ULK4: variants seen among roughly 807,000 people sequenced by gnomAD.
ULK4 encodes inactive serine/threonine-protein kinase ULK4.
A neutral mutation model predicts 160.6 loss-of-function variants in ULK4; 133 were observed. The observed-to-expected ratio is 0.83, with a 90% CI of 0.72 to 0.96. The LOEUF (loss-of-function observed/expected upper bound fraction) is 0.96, where lower values mean the gene tolerates loss of function less well. ULK4 is among the 40% of genes least tolerant of loss of function. The probability of loss-of-function intolerance (pLI) is 0.00; values close to 1 mark genes in which losing one functional copy is unlikely to be tolerated. For missense variants in ULK4, 1,580 were observed against 1,499.5 expected, an observed-to-expected ratio of 1.05 and a Z score of -0.89; for synonymous variants, 534 against 539.8, an observed-to-expected ratio of 0.99 and a Z score of 0.15.
chr3:41,851,057 A>G (rs2042201280), intron 17 of ULK4, among the ~76,000 whole-genome samples: 1 of 152,200 alleles, frequency 6.6e-6, no homozygotes, highest in African/African-American at 2.4e-5. Context: ...TCCTAATTGA[A>G]TACCCTTTAT....
In ULK4 at chr3:41,827,243, A is replaced by T. The variant is rs552017440; in HGVS notation, c.1765-7737T>A. On this transcript the variant is annotated intron_variant, in intron 18 of 36. Coordinates refer to ENST00000301831, the MANE Select transcript of ULK4 (RefSeq NM_017886.4). ...AAATTGACACCTTAACATCACAATT[A>T]AAAGAACTAGAGAAGCAAGAGCAAA... 8.7e-5 allele frequency among the ~76,000 whole-genome samples: 13 copies of T among 149,898 alleles called. No individual in the cohort carries two copies. The East Asian group carries it at 2.0e-3, about 23-fold the overall frequency.
intron 4 of ULK4, 123 bp from the exon 5 acceptor site, chr3:41,932,129 A>G (rs2148822879): frequency 2.6e-6 from 2 of 781,616 alleles, no homozygotes; most frequent in South Asian, 3.2e-5. Context: ...AACTCAGAAA[A>G]ATAAATGCTT....
At chr3:41,746,996 T>C (rs2038443041) in intron 22 of ULK4, among the ~76,000 whole-genome samples, 2 of 151,998 alleles carry the variant, frequency 1.3e-5, no homozygotes, top group South Asian at 2.1e-4. Flanking sequence ...TTATACTTTA[T>C]GCGTAAAATT....
chr3:41,852,001 G>A (rs1007513760), intron 17 of ULK4, among the ~76,000 whole-genome samples: 1 of 151,966 alleles, frequency 6.6e-6, no homozygotes, highest in Non-Finnish European at 1.5e-5. Flanking sequence ...TAGACCGCTA[G>A]CAAGACTAAT....
At chr3:41,422,816 A>C (rs1233592101) in intron 34 of ULK4, among the ~76,000 whole-genome samples, 9 of 152,202 alleles carry the variant, frequency 5.9e-5, no homozygotes, top group Non-Finnish European at 5.9e-5. Context: ...GTTTATATCT[A>C]ACCATCTCAC....
chr3:41,373,766 A>G (rs2081421706), intron 35 of ULK4, among the ~76,000 whole-genome samples: 3 of 152,242 alleles, frequency 2.0e-5, no homozygotes, highest in African/African-American at 7.2e-5. Context: ...AGCTAGCAGA[A>G]GGCAAGAAAT....
intron 34 of ULK4, among the ~76,000 whole-genome samples, chr3:41,424,831 C>CAAAAAAAAAAAA (rs36097613): frequency 1.6e-5 from 1 of 62,402 alleles, no homozygotes; most frequent in Non-Finnish European, 2.9e-5. Flanking sequence ...AAGAAATCAT[C>CAAAAAAAAAAAA]AAAAAAAAAA....
At chr3:41,425,468 C>G (rs571121407) in intron 34 of ULK4, among the ~76,000 whole-genome samples, 1 of 152,058 alleles carries the variant, frequency 6.6e-6, no homozygotes, top group Non-Finnish European at 1.5e-5. Context: ...GATATTCCAC[C>G]ATTTCAACCC....
intron 35 of ULK4, among the ~76,000 whole-genome samples, chr3:41,355,958 AT>A (rs2081021567): frequency 6.6e-6 from 1 of 152,210 alleles, no homozygotes; most frequent in Non-Finnish European, 1.5e-5. Context: ...CAAATACTCT[AT>A]GCAAACCATT....
Position 41,865,271 on chromosome 3 carries a change from TAAAAAAA to T in ULK4, c.1656+18596_1656+18602del, listed in dbSNP as rs55741060. ...GGGCAACAGAGCAAGACTCTGTCTT[TAAAAAAA>T]AAAAAAAAAAAAAAAAAAAAAAAAA... On this transcript the variant is annotated intron_variant, in intron 17 of 36. Coordinates refer to ENST00000301831, the MANE Select transcript of ULK4 (RefSeq NM_017886.4). Among the ~76,000 whole-genome samples the T allele has an allele frequency of 9.4e-4, 28 of 29,894 alleles. No individual in the cohort carries two copies. In the South Asian group the frequency reaches 0.038, roughly 41 times the overall value. The allele number at this position is 29,894 out of a possible 152,430, so 19.6% of individuals were successfully genotyped here. A position where few individuals can be genotyped will look rare whatever the true frequency, so the allele number is the denominator to read the frequency against.
intron 33 of ULK4, among the ~76,000 whole-genome samples, chr3:41,462,271 AAC>A (rs1444038264): frequency 6.6e-6 from 1 of 152,206 alleles, no homozygotes; most frequent in Non-Finnish European, 1.5e-5. Context: ...AAGGTATCAA[AAC>A]AGTTTGGTTT....
intron 35 of ULK4, among the ~76,000 whole-genome samples, chr3:41,367,508 C>T (rs1056902125): frequency 6.6e-6 from 1 of 152,124 alleles, no homozygotes; most frequent in Non-Finnish European, 1.5e-5. Context: ...CTGTGGTGAG[C>T]AGCTCCATGG....
At chr3:41,822,815 A>G (rs142638294) in intron 18 of ULK4, among the ~76,000 whole-genome samples, 36,678 of 144,508 alleles carry the variant, frequency 0.25, 5,545 homozygotes, top group African/African-American at 0.45. Flanking sequence ...TCCGCCTCCC[A>G]GGTTCACGCC....
At chr3:41,714,611 A>G (rs1001166705) in intron 25 of ULK4, among the ~76,000 whole-genome samples, 5 of 152,202 alleles carry the variant, frequency 3.3e-5, no homozygotes, top group Non-Finnish European at 5.9e-5. Flanking sequence ...AGCTAAACAA[A>G]AAGAATTTTT....
At chr3:41,771,767 A>G (rs960933088) in intron 21 of ULK4, among the ~76,000 whole-genome samples, 1 of 152,230 alleles carries the variant, frequency 6.6e-6, no homozygotes, top group African/African-American at 2.4e-5. Context: ...AAAACGTAAA[A>G]CATTATAGCA....
At chr3:41,835,575 G>A (rs2041729262) in intron 18 of ULK4, among the ~76,000 whole-genome samples, 1 of 152,150 alleles carries the variant, frequency 6.6e-6, no homozygotes, top group Non-Finnish European at 1.5e-5. Flanking sequence ...AGCAACCTTG[G>A]GAGTACCTTA....
intron 30 of ULK4, among the ~76,000 whole-genome samples, chr3:41,663,336 A>G (rs2035247286): frequency 6.6e-6 from 1 of 152,344 alleles, no homozygotes; most frequent in East Asian, 1.9e-4. Context: ...TTTTTAAAGT[A>G]CATATATTGT....
At chr3:41,939,404 C>G (rs1421163123) in intron 2 of ULK4, among the ~76,000 whole-genome samples, 2 of 152,250 alleles carry the variant, frequency 1.3e-5, no homozygotes, top group East Asian at 1.9e-4. Flanking sequence ...AAGTGATCCA[C>G]CCGCCTTGGC....
chr3:41,792,853 T>C (rs747313917), intron 20 of ULK4, among the ~76,000 whole-genome samples: 3 of 152,212 alleles, frequency 2.0e-5, no homozygotes, highest in Non-Finnish European at 4.4e-5. Context: ...TGATCTTCAG[T>C]GATGTGGTTT....
Sources: gnomAD v4.1 joint callset for allele counts (sites outside exome capture counted in the v4.1 genomes callset) on GRCh38, gnomAD v4.1.1 for gene constraint, MANE v1.5 for transcripts, NCBI Gene and HGNC (gene_info 2026-07-23, HGNC 2026-07-21) for gene names.